Variants in BCAT1 observed in about 807,000 individuals in gnomAD.
BCAT1 encodes branched-chain-amino-acid aminotransferase, cytosolic.
Under a neutral mutation model 52.4 loss-of-function variants are expected in BCAT1, and 48 were observed. The ratio of observed to expected loss-of-function variants is 0.92; its 90% CI spans 0.73 to 1.16. The LOEUF (loss-of-function observed/expected upper bound fraction) is 1.16, where lower values mean the gene tolerates loss of function less well. Ranked by LOEUF, BCAT1 falls within the 50% of genes most tolerant of loss-of-function variation. The probability of loss-of-function intolerance (pLI) is 0.00; values close to 1 mark genes in which losing one functional copy is unlikely to be tolerated. For missense variants in BCAT1, 451 were observed against 457.1 expected, an observed-to-expected ratio of 0.99 and a Z score of 0.12; for synonymous variants, 167 against 161.3, an observed-to-expected ratio of 1.04 and a Z score of -0.27.
chr12:24,931,698 A>G (rs982202276), intron 1 of BCAT1, among the ~76,000 whole-genome samples: 1 of 152,240 alleles, frequency 6.6e-6, no homozygotes, highest in Non-Finnish European at 1.5e-5. Flanking sequence ...GTATTAACCT[A>G]GAGCAAAAGT....
chr12:24,924,696 A>C (rs973614983), intron 1 of BCAT1, among the ~76,000 whole-genome samples: 4 of 152,236 alleles, frequency 2.6e-5, no homozygotes, highest in Non-Finnish European at 5.9e-5. Flanking sequence ...ATTGATCCGT[A>C]TTAAAAGAAA....
At chr12:24,855,119 G>A (rs560209599) in intron 5 of BCAT1, among the ~76,000 whole-genome samples, 1 of 152,220 alleles carries the variant, frequency 6.6e-6, no homozygotes, top group African/African-American at 2.4e-5. Flanking sequence ...TAATCACCAA[G>A]GAGGTCAGAG....
At chr12:24,849,486 G>A (rs1014271476) in intron 6 of BCAT1, among the ~76,000 whole-genome samples, 2 of 152,208 alleles carry the variant, frequency 1.3e-5, no homozygotes, top group Non-Finnish European at 2.9e-5. Flanking sequence ...GATGCTTGTT[G>A]TAGTTTCTTA....
At chr12:24,914,512 A>G (rs1943378400) in intron 1 of BCAT1, among the ~76,000 whole-genome samples, 1 of 152,226 alleles carries the variant, frequency 6.6e-6, no homozygotes, top group Non-Finnish European at 1.5e-5. Flanking sequence ...GCCTCTATGA[A>G]TCAAGCAATC....
At chr12:24,827,922 T>A (rs1478405727) in intron 10 of BCAT1, among the ~76,000 whole-genome samples, 1 of 152,228 alleles carries the variant, frequency 6.6e-6, no homozygotes, top group African/African-American at 2.4e-5. Flanking sequence ...TTTTATTTTA[T>A]TTCCCTTTTT....
At chr12:24,882,743 C>G (rs781027499) in intron 3 of BCAT1, among the ~76,000 whole-genome samples, 1 of 151,750 alleles carries the variant, frequency 6.6e-6, no homozygotes, top group Non-Finnish European at 1.5e-5. Context: ...GGACTACAGG[C>G]GCGCACCACC....
intron 5 of BCAT1, among the ~76,000 whole-genome samples, chr12:24,870,973 A>G (rs1401409700): frequency 6.6e-6 from 1 of 152,098 alleles, no homozygotes; most frequent in Non-Finnish European, 1.5e-5. Context: ...CAGTGAGCTG[A>G]GATCACACAA....
At position 24,877,555 on chromosome 12, in the gene BCAT1, C is replaced by A. The variant is rs770573667; in HGVS notation, c.510+975G>T. 3.8e-4 allele frequency among the ~76,000 whole-genome samples: 58 copies of A among 152,320 alleles called. No homozygotes were observed. In the Middle Eastern group the frequency reaches 0.014, roughly 36 times the overall value. ...ATTTAAACCTACCATCCCAGCTCTTCAATTTCCTTCCTTAACTCCCACTGT... is the reference window on the plus strand; with the variant it reads ...ATTTAAACCTACCATCCCAGCTCTTAAATTTCCTTCCTTAACTCCCACTGT... On this transcript the variant is annotated intron_variant, in intron 5 of 10. Coordinates refer to ENST00000261192, the MANE Select transcript of BCAT1 (RefSeq NM_005504.7).
At chr12:24,831,133 C>T (rs1356999738) in intron 9 of BCAT1, among the ~76,000 whole-genome samples, 1 of 152,200 alleles carries the variant, frequency 6.6e-6, no homozygotes, top group African/African-American at 2.4e-5. Context: ...GCCTACTCAA[C>T]ATGATGGACA....
In BCAT1 at chr12:24,913,066, GTTTT is replaced by G. The variant is rs1453640497; in HGVS notation, c.7-11185_7-11182del. Among the ~76,000 whole-genome samples, 8 of 152,174 alleles carry G rather than the reference GTTTT, an allele frequency of 5.3e-5. No homozygotes were observed. In the South Asian group the frequency reaches 1.0e-3, roughly 20 times the overall value. On this transcript the variant is annotated intron_variant, in intron 1 of 10. Transcript: ENST00000261192. ...GGACAGTTTTTGTTTTGTTTTGTTT[GTTTT>G]TTTAAGAGCAAGGAGAGTATGCTTT... is the stretch of plus-strand genomic sequence containing the variant.
chr12:24,915,152 T>A (rs564142626), intron 1 of BCAT1, among the ~76,000 whole-genome samples: 4 of 152,278 alleles, frequency 2.6e-5, no homozygotes, highest in Non-Finnish European at 5.9e-5. Flanking sequence ...TTATTTATTA[T>A]AAAAACTGAG....
At chr12:24,854,588 T>C (rs1037239127) in intron 5 of BCAT1, among the ~76,000 whole-genome samples, 1 of 152,144 alleles carries the variant, frequency 6.6e-6, no homozygotes, top group Non-Finnish European at 1.5e-5. Context: ...ATTCATACTG[T>C]GTTTATATAG....
chr12:24,947,013 TC>T (rs764954540), intron 1 of BCAT1, among the ~76,000 whole-genome samples: 33 of 152,060 alleles, frequency 2.2e-4, no homozygotes, highest in Non-Finnish European at 4.6e-4. Context: ...ATTCTTTTCC[TC>T]CCCAACCCCC....
At chr12:24,872,300 A>G (rs1942203138) in intron 5 of BCAT1, among the ~76,000 whole-genome samples, 1 of 152,250 alleles carries the variant, frequency 6.6e-6, no homozygotes, top group South Asian at 2.1e-4. Context: ...AGTGAACCAG[A>G]AATGAAGGAG....
chr12:24,900,022 A>G lies in BCAT1; in HGVS notation c.78+1792T>C, dbSNP rs368849139. 8.7e-4 allele frequency among the ~76,000 whole-genome samples: 132 copies of G among 151,972 alleles called. 5 individuals carry two copies. In the South Asian group the frequency reaches 0.023, roughly 26 times the overall value. ...AGTAGGGTGATTATAGTTAACAACA[A>G]TGTAGGCTATATATATATATTTTGT... is the stretch of plus-strand genomic sequence containing the variant. On this transcript the variant is annotated intron_variant, in intron 2 of 10. Coordinates refer to ENST00000261192, the MANE Select transcript of BCAT1 (RefSeq NM_005504.7).
At chr12:24,949,262 C>T, upstream of BCAT1, 1 of 446,212 alleles carries the variant, frequency 2.2e-6, no homozygotes, top group South Asian at 3.6e-5. Context: ...TGCTCACTCC[C>T]GGGGTGCAGG....
intron 1 of BCAT1, among the ~76,000 whole-genome samples, chr12:24,939,478 A>G (rs1348351416): frequency 1.3e-5 from 2 of 152,232 alleles, no homozygotes; most frequent in Non-Finnish European, 2.9e-5. Flanking sequence ...ATAATTTTCA[A>G]TTAGTTAAAT....
At chr12:24,921,956 TAAG>T (rs1943505356) in intron 1 of BCAT1, among the ~76,000 whole-genome samples, 1 of 152,146 alleles carries the variant, frequency 6.6e-6, no homozygotes, top group South Asian at 2.1e-4. Flanking sequence ...CGTCGTTAGA[TAAG>T]AAAACTAGCA....
In BCAT1 at chr12:24,818,159, T is replaced by G. The variant is rs1013068518; in HGVS notation, c.1120-110A>C. 37 of 1,043,874 alleles carry G rather than the reference T, an allele frequency of 3.5e-5. 1 individual carries two copies. The highest frequency in any genetic ancestry group is 5.5e-5 in the South Asian group (4 of 73,130). 64.7% of individuals were successfully genotyped at this position (1,043,874 alleles called of 1,614,324 possible). On this transcript the variant is annotated intron_variant, in intron 10 of 10. Coordinates refer to ENST00000261192, the MANE Select transcript of BCAT1 (RefSeq NM_005504.7). ...TTACACAAAAGGTTCGCTTCTGCTT[T>G]GAACAACATTTTCACATTAAACATG...
Sources: gnomAD v4.1 joint callset for allele counts (sites outside exome capture counted in the v4.1 genomes callset) on GRCh38, gnomAD v4.1.1 for gene constraint, MANE v1.5 for transcripts, NCBI Gene and HGNC (gene_info 2026-07-23, HGNC 2026-07-21) for gene names.